FN1: variants seen among roughly 807,000 people sequenced by gnomAD.
FN1 encodes fibronectin.
FN1 carries 106 observed loss-of-function variants against 297.3 expected under a neutral mutation model. The observed-to-expected ratio is 0.36, with a 90% CI of 0.30 to 0.42. The LOEUF (loss-of-function observed/expected upper bound fraction) is 0.42, where lower values mean the gene tolerates loss of function less well. Among genes scored for constraint, FN1 ranks in the 10% least tolerant of loss-of-function variants. FN1 has a pLI of 1.00. For missense variants in FN1, 2,690 were observed against 3,124.9 expected, an observed-to-expected ratio of 0.86 and a Z score of 3.32; for synonymous variants, 1,149 against 1,152.6, an observed-to-expected ratio of 1.00 and a Z score of 0.06.
chr2:215,412,461 G>C (rs898720422), intron 13 of FN1, among the ~76,000 whole-genome samples: 6 of 152,054 alleles, frequency 3.9e-5, no homozygotes, highest in African/African-American at 1.4e-4. Flanking sequence ...TGTTGACACA[G>C]GGTCTTTCTC....
At chr2:215,381,403 G>C (rs1353881942) in intron 32 of FN1, 4 of 391,974 alleles carry the variant, frequency 1.0e-5, no homozygotes, top group Non-Finnish European at 1.9e-5. Flanking sequence ...TAGTCTCATA[G>C]ACCTGGATTT....
chr2:215,371,610 TAA>T (rs1383743867), intron 40 of FN1, among the ~76,000 whole-genome samples: 18 of 135,056 alleles, frequency 1.3e-4, no homozygotes, highest in African/African-American at 1.4e-4. Flanking sequence ...TATTGGGATT[TAA>T]AAAAAAAAAA....
rs115252255 is a variant in FN1, at chr2:215,362,571, G to A, written c.7252-492C>T. 4.6e-3 allele frequency: 765 copies of A among 166,966 alleles called. 11 individuals are homozygous for A. The highest frequency in any genetic ancestry group is 0.018 in the African/African-American group (739 of 41,796). 10.3% of individuals were successfully genotyped at this position (166,966 alleles called of 1,614,324 possible). On this transcript the variant is annotated intron_variant, in intron 44 of 45. Transcript: ENST00000354785. ...GACCACTGGTGGAGTTGGGCCTGCC[G>A]CCCAGGAGGTGGGGTGACCTGGCCA... is the stretch of plus-strand genomic sequence containing the variant.
At chr2:215,431,704 A>T (rs183038728) in intron 4 of FN1, 129 bp downstream of exon 4, 9 of 986,438 alleles carry the variant, frequency 9.1e-6, no homozygotes, top group Non-Finnish European at 1.5e-5. Flanking sequence ...ATTATTTCAA[A>T]CAAAATTCCC....
chr2:215,384,032 T>C lies in FN1; in HGVS notation c.4882A>G (p.Asn1628Asp). The change falls in exon 30 of 46, where the codon AAT (asparagine) becomes GAT (aspartate). Residue 1628 changes from asparagine to aspartate, a missense_variant. Coordinates refer to ENST00000354785, the MANE Select transcript of FN1 (RefSeq NM_212482.4). ...SPASSKPISI[N>D]YRTEIDKPSQ... ...TAGAAGTTTGTACCTGTTCGGTAAT[T>C]AATGGAAATTGGCTTGCTGCTTGCG... is the stretch of plus-strand genomic sequence containing the variant. The C allele has an allele frequency of 6.2e-7, 1 of 1,614,168 alleles. No homozygotes were observed. Among genetic ancestry groups the C allele is most frequent in the Non-Finnish European group, 8.5e-7 (1 of 1,180,020 alleles).
rs770072264 is a variant in FN1, at chr2:215,414,958, C to A, written c.1820G>T (p.Ser607Ile). The stretch of plus-strand genomic sequence containing the variant: ...AAATACTTCGACAGGACCACTTGAG[C>A]CTGAAAATGAAAATGTAGCATTTAA... ...WHCQPLQTYP[S>I]SSGPVEVFIT... Residue 607 changes from serine to isoleucine, a missense_variant and splice_region_variant, in exon 13 of 46, where the codon AGC becomes ATC. Ser to Ile is a moderately radical substitution (Grantham distance 142, BLOSUM62 -2). Transcript: ENST00000354785. The A allele has an allele frequency of 6.2e-7, 1 of 1,612,618 alleles. No homozygotes were observed. Among genetic ancestry groups the A allele is most frequent in the Non-Finnish European group, 8.5e-7 (1 of 1,178,848 alleles).
chr2:215,423,217 C>A, intron 9 of FN1, 133 bp downstream of exon 9: 1 of 800,168 alleles, frequency 1.2e-6, no homozygotes, highest in Non-Finnish European at 2.1e-6. Flanking sequence ...CACACAAACA[C>A]ACTTCACATG....
chr2:215,409,430 G>A (rs1398031868), intron 15 of FN1, 133 bp downstream of exon 15: 1 of 835,294 alleles, frequency 1.2e-6, no homozygotes, highest in Non-Finnish European at 2.1e-6. Context: ...CATGCCAGAG[G>A]GTGGTTTGTT....
intron 36 of FN1, 63 bp from the exon 37 acceptor site, chr2:215,375,781 T>C: frequency 9.3e-7 from 1 of 1,074,622 alleles, no homozygotes; most frequent in Non-Finnish European, 1.4e-6. Context: ...ATTCTCAAGC[T>C]AGCCTGCAAT....
chr2:215,371,468 A>T lies in FN1; in HGVS notation c.6714+441T>A, dbSNP rs925445503. ...ACACAAATGGAAATTCAGGTAGAAT[A>T]TCTTTCTTTTCTAGAATCATCTATC... is the stretch of plus-strand genomic sequence containing the variant. On this transcript the variant is annotated intron_variant, in intron 40 of 45. Coordinates refer to ENST00000354785, the MANE Select transcript of FN1 (RefSeq NM_212482.4). 2.6e-3 allele frequency among the ~76,000 whole-genome samples: 385 copies of T among 150,418 alleles called. 1 individual carries two copies. Among genetic ancestry groups the T allele is most frequent in the Non-Finnish European group, 3.4e-3 (228 of 67,524 alleles).
intron 11 of FN1, 100 bp downstream of exon 11, chr2:215,420,573 G>C: frequency 6.8e-7 from 1 of 1,473,208 alleles, no homozygotes. Context: ...TCAAAGTCTG[G>C]AGCCAACTTC....
intron 19 of FN1, among the ~76,000 whole-genome samples, chr2:215,405,069 T>C (rs2061599061): frequency 6.6e-6 from 1 of 152,196 alleles, no homozygotes; most frequent in East Asian, 1.9e-4. Context: ...AAGCTCTCTA[T>C]GGGTCAAAAG....
chr2:215,428,468 G>A (rs564147273), intron 5 of FN1, 130 bp from the exon 6 acceptor site: 30 of 791,270 alleles, frequency 3.8e-5, no homozygotes, highest in African/African-American at 3.7e-4. Context: ...CAGCTCTGGT[G>A]CTGCAAGGTA....
At chr2:215,406,562 T>C in intron 18 of FN1, 52 bp from the exon 19 acceptor site, 1 of 1,588,550 alleles carries the variant, frequency 6.3e-7, no homozygotes, top group East Asian at 2.3e-5. Context: ...AAGATTACTT[T>C]TAAGAAGCCA....
chr2:215,418,463 T>C (rs1024045287), intron 12 of FN1, among the ~76,000 whole-genome samples: 5 of 152,252 alleles, frequency 3.3e-5, no homozygotes, highest in African/African-American at 1.2e-4. Context: ...TTTCTGAATG[T>C]AGGCCATATT....
At chr2:215,434,019 T>C (rs1297381292) in intron 2 of FN1, among the ~76,000 whole-genome samples, 1 of 152,238 alleles carries the variant, frequency 6.6e-6, no homozygotes, top group Non-Finnish European at 1.5e-5. Flanking sequence ...GGAGAATTGC[T>C]TGAACCCTGG....
intron 13 of FN1, among the ~76,000 whole-genome samples, chr2:215,411,274 C>T (rs1417066701): frequency 6.6e-6 from 1 of 152,214 alleles, no homozygotes; most frequent in Non-Finnish European, 1.5e-5. Flanking sequence ...GAGACTCTTT[C>T]AAGTGTAAAT....
intron 20 of FN1, among the ~76,000 whole-genome samples, chr2:215,404,154 A>G (rs2106237762): frequency 6.6e-6 from 1 of 152,352 alleles, no homozygotes; most frequent in East Asian, 1.9e-4. Context: ...TCTCAGCTGT[A>G]CTAAGCAGTG....
chr2:215,425,181 A>T lies in FN1; in HGVS notation c.949T>A (p.Ser317Thr), dbSNP rs2065111561. ...GTCTTCAGCCACTGCATCCCCACAG[A>T]GTAGACCACACCACTGTCTGTGACA... ...HCVTDSGVVY[S>T]VGMQWLKTQG... is the part of the protein sequence containing the mutation. The change falls in exon 7 of 46, where the codon TCT becomes ACT. Residue 317 changes from serine to threonine, a missense_variant. Transcript: ENST00000354785. The T allele has an allele frequency of 6.2e-7, 1 of 1,614,170 alleles. No homozygotes were observed. The highest frequency in any genetic ancestry group is 8.5e-7 in the Non-Finnish European group (1 of 1,180,036).
Sources: gnomAD v4.1 joint callset for allele counts (sites outside exome capture counted in the v4.1 genomes callset) on GRCh38, gnomAD v4.1.1 for gene constraint, MANE v1.5 for transcripts, NCBI Gene and HGNC (gene_info 2026-07-23, HGNC 2026-07-21) for gene names.